The following ADAMTS3 variants were observed in gnomAD, a reference collection of about 807,000 sequenced individuals.
The protein encoded by ADAMTS3 is ADAM metallopeptidase with thrombospondin type 1 motif 3.
A neutral mutation model predicts 129.0 loss-of-function variants in ADAMTS3; 73 were observed. That is an observed-to-expected ratio of 0.57 (90% CI 0.47 to 0.69). ADAMTS3 has a LOEUF of 0.69. ADAMTS3 is among the 30% of genes least tolerant of loss of function. ADAMTS3 has a pLI of 0.00. For missense variants in ADAMTS3, 1,457 were observed against 1,514.5 expected (o/e 0.96, Z 0.63); for synonymous variants, 477 against 510.8 (o/e 0.93, Z 0.89).
At chr4:72,526,893 C>T (rs1720832073) in intron 3 of ADAMTS3, among the ~76,000 whole-genome samples, 1 of 151,098 alleles carries the variant, frequency 6.6e-6, no homozygotes, top group Non-Finnish European at 1.5e-5. Context: ...GTCAAAAGCA[C>T]AGGTTGTGAA....
chr4:72,435,950 A>C (rs186008206), intron 3 of ADAMTS3, among the ~76,000 whole-genome samples: 5,257 of 151,834 alleles, frequency 0.035, 307 homozygotes, highest in African/African-American at 0.12. Context: ...TGGGCAAGGA[A>C]TTCATGACTA....
At chr4:72,413,604 T>A (rs1722232516) in intron 4 of ADAMTS3, among the ~76,000 whole-genome samples, 1 of 152,000 alleles carries the variant, frequency 6.6e-6, no homozygotes, top group Non-Finnish European at 1.5e-5. Context: ...GCACCTATTT[T>A]TGTTGAATAC....
chr4:72,290,735 A>C, intron 20 of ADAMTS3, 120 bp downstream of exon 20: 4 of 1,092,326 alleles, frequency 3.7e-6, no homozygotes, highest in Non-Finnish European at 5.3e-6. Context: ...AGGTAATTAC[A>C]AAATATGCAG....
intron 3 of ADAMTS3, among the ~76,000 whole-genome samples, chr4:72,470,431 C>G (rs1560528198): frequency 6.7e-6 from 1 of 148,736 alleles, no homozygotes; most frequent in Non-Finnish European, 1.5e-5. Flanking sequence ...ATATATACAT[C>G]TCATGTATAA....
chr4:72,415,625 C>A (rs1276691230), intron 3 of ADAMTS3, among the ~76,000 whole-genome samples: 1 of 151,876 alleles, frequency 6.6e-6, no homozygotes, highest in African/African-American at 2.4e-5. Context: ...CCCCCTCAAA[C>A]TGCATCCTTT....
chr4:72,390,336 G>A (rs980552005), intron 4 of ADAMTS3, among the ~76,000 whole-genome samples: 13 of 151,910 alleles, frequency 8.6e-5, no homozygotes, highest in Non-Finnish European at 8.8e-5. Context: ...TTGTGATGAC[G>A]GCACCAATGA....
intron 3 of ADAMTS3, among the ~76,000 whole-genome samples, chr4:72,427,107 T>C (rs1722592714): frequency 6.6e-6 from 1 of 152,104 alleles, no homozygotes; most frequent in Non-Finnish European, 1.5e-5. Flanking sequence ...GGCTGACTGG[T>C]GTCAAGGTGT....
intron 4 of ADAMTS3, among the ~76,000 whole-genome samples, chr4:72,413,293 G>C (rs1024646301): frequency 1.3e-5 from 2 of 151,866 alleles, no homozygotes; most frequent in Non-Finnish European, 2.9e-5. Context: ...TGTGGCCTAT[G>C]CGTTCCTAAA....
chr4:72,501,731 T>C (rs887366709), intron 3 of ADAMTS3, among the ~76,000 whole-genome samples: 2 of 152,178 alleles, frequency 1.3e-5, no homozygotes, highest in African/African-American at 4.8e-5. Flanking sequence ...TTAGTATCGT[T>C]GTCTCCTATG....
intron 2 of ADAMTS3, among the ~76,000 whole-genome samples, chr4:72,552,629 C>T (rs957340539): frequency 2.0e-5 from 3 of 152,162 alleles, no homozygotes; most frequent in Non-Finnish European, 2.9e-5. Context: ...TCCTCAAACC[C>T]ATCCCACTCA....
intron 3 of ADAMTS3, among the ~76,000 whole-genome samples, chr4:72,429,240 C>T (rs370765319): frequency 6.6e-6 from 1 of 151,976 alleles, no homozygotes; most frequent in Non-Finnish European, 1.5e-5. Flanking sequence ...TAAATGGAAC[C>T]TATGAATTCA....
At chr4:72,469,233 A>T (rs1719000099) in intron 3 of ADAMTS3, among the ~76,000 whole-genome samples, 3 of 152,158 alleles carry the variant, frequency 2.0e-5, no homozygotes, top group Admixed American at 2.0e-4. Flanking sequence ...ACCAGTTAAC[A>T]ATGTAGCCCA....
At chr4:72,514,096 C>T (rs1720389356) in intron 3 of ADAMTS3, among the ~76,000 whole-genome samples, 1 of 152,098 alleles carries the variant, frequency 6.6e-6, no homozygotes, top group Non-Finnish European at 1.5e-5. Context: ...TTCTCTCTCT[C>T]TCTCTCAGTA....
chr4:72,315,182 AG>A (rs1487904471), intron 11 of ADAMTS3, among the ~76,000 whole-genome samples: 1 of 152,182 alleles, frequency 6.6e-6, no homozygotes, highest in Non-Finnish European at 1.5e-5. Flanking sequence ...TCCCACTACC[AG>A]GGGGCAGATA....
chr4:72,430,825 A>AT (rs1054603369), intron 3 of ADAMTS3, among the ~76,000 whole-genome samples: 11 of 91,518 alleles, frequency 1.2e-4, no homozygotes, highest in African/African-American at 3.3e-5. Context: ...ATCCAAAATC[A>AT]TTAAAAAAAA....
At position 72,390,822 on chromosome 4, in the gene ADAMTS3, G is replaced by A. The variant is rs1036852635; in HGVS notation, c.661+23993C>T. Among the ~76,000 whole-genome samples, 17 of 149,836 alleles carry A rather than the reference G, an allele frequency of 1.1e-4. No homozygotes were observed. In the South Asian group the frequency reaches 1.7e-3, roughly 15 times the overall value. On this transcript the variant is annotated intron_variant, in intron 4 of 21. Coordinates refer to ENST00000286657, the MANE Select transcript of ADAMTS3 (RefSeq NM_014243.3). ...TAAAAACAAAAATAAAACATAAACC[G>A]TTCCTGAAAACTTCCATGCCTTTCT...
intron 3 of ADAMTS3, among the ~76,000 whole-genome samples, chr4:72,541,876 T>C (rs1721336937): frequency 6.6e-6 from 1 of 152,214 alleles, no homozygotes; most frequent in Non-Finnish European, 1.5e-5. Flanking sequence ...TATTTCTTCA[T>C]AGCAGCATTA....
At chr4:72,395,246 C>A (rs923457335) in intron 4 of ADAMTS3, among the ~76,000 whole-genome samples, 2 of 152,056 alleles carry the variant, frequency 1.3e-5, no homozygotes, top group African/African-American at 4.8e-5. Flanking sequence ...ATTAGATTAT[C>A]TAAAGAATAT....
intron 3 of ADAMTS3, among the ~76,000 whole-genome samples, chr4:72,431,014 T>G (rs1722685557): frequency 6.6e-6 from 1 of 152,130 alleles, no homozygotes; most frequent in South Asian, 2.1e-4. Flanking sequence ...TTTTAAGATT[T>G]TTTTTGTTCC....
Sources: allele counts gnomAD v4.1 joint callset (sites outside exome capture counted in the v4.1 genomes callset), GRCh38; gene constraint gnomAD v4.1.1; transcripts MANE v1.5; gene names NCBI Gene and HGNC (gene_info 2026-07-23, HGNC 2026-07-21).